PRRC2B: variants seen among roughly 807,000 people sequenced by gnomAD.
PRRC2B encodes protein PRRC2B.
Under a neutral mutation model 242.3 loss-of-function variants are expected in PRRC2B, and 68 were observed. The observed-to-expected ratio is 0.28, with a 90% confidence interval of 0.23 to 0.34. The LOEUF is 0.34. PRRC2B is among the 10% of genes least tolerant of loss of function. The pLI is 1.00. For synonymous variants in PRRC2B, 1,228 were observed against 1,173.6 expected, an observed-to-expected ratio of 1.05 and a Z score of -0.95; for missense variants, 2,835 against 2,954.8, an observed-to-expected ratio of 0.96 and a Z score of 0.94.
At chr9:131,439,519 C>T (rs1838486631) in intron 5 of PRRC2B, among the ~76,000 whole-genome samples, 1 of 152,202 alleles carries the variant, frequency 6.6e-6, no homozygotes, top group South Asian at 2.1e-4. Context: ...CCTTCTGCTT[C>T]CTGCACTACC....
At chr9:131,449,072 G>A (rs1196720864) in intron 9 of PRRC2B, among the ~76,000 whole-genome samples, 3 of 152,084 alleles carry the variant, frequency 2.0e-5, no homozygotes, top group Non-Finnish European at 4.4e-5. Flanking sequence ...ACTCTTGTAT[G>A]GTTTTCATAT....
intron 26 of PRRC2B, chr9:131,486,593 T>TTC (rs1351173607): frequency 3.1e-6 from 3 of 953,890 alleles, no homozygotes; most frequent in Non-Finnish European, 3.7e-6. Context: ...CTGGCATACT[T>TTC]TCTGTGCTGC....
rs889470295 is a variant in PRRC2B at position 131,420,499 on chromosome 9, T to TCTTTCTTTC, written c.-51-9595_-51-9594insCTTTCTTTC. ...TTTCTTTCTTTCTTTCTTTCTTTTT[T>TCTTTCTTTC]TTTTTTTTTTTGAGATGGAGGCTCC... On this transcript the variant is annotated intron_variant, in intron 1 of 31. Coordinates refer to ENST00000683519, the MANE Select transcript of PRRC2B (RefSeq NM_013318.4). Among the ~76,000 whole-genome samples, 100 of 84,462 alleles carry TCTTTCTTTC rather than the reference T, an allele frequency of 1.2e-3. 1 individual carries two copies. Among genetic ancestry groups the TCTTTCTTTC allele is most frequent in the Non-Finnish European group, 1.6e-3 (62 of 39,230 alleles). The allele number at this position is 84,462 out of a possible 152,430, so 55.4% of individuals were successfully genotyped here.
intron 31 of PRRC2B, among the ~76,000 whole-genome samples, chr9:131,495,063 C>T (rs1447633197): frequency 2.0e-5 from 3 of 152,076 alleles, no homozygotes; most frequent in Admixed American, 2.0e-4. Flanking sequence ...GAAGTGATTG[C>T]TCTCATTGGT....
intron 1 of PRRC2B, among the ~76,000 whole-genome samples, chr9:131,403,632 G>A (rs1361059371): frequency 6.8e-6 from 1 of 147,606 alleles, no homozygotes; most frequent in Non-Finnish European, 1.5e-5. Context: ...TAGAATTACA[G>A]GCGTGAGCCA....
At chr9:131,412,160 A>C (rs977130918) in intron 1 of PRRC2B, among the ~76,000 whole-genome samples, 1 of 152,132 alleles carries the variant, frequency 6.6e-6, no homozygotes, top group African/African-American at 2.4e-5. Flanking sequence ...TTGCTCATCT[A>C]CGTTGACCGT....
In PRRC2B at chr9:131,499,245, C is replaced by A. The variant is rs1944407224; in HGVS notation, c.*3371C>A. 1 of 152,224 alleles carries A rather than the reference C, an allele frequency of 6.6e-6. No homozygotes were observed. Among genetic ancestry groups the A allele is most frequent in the African/African-American group, 2.4e-5 (1 of 41,446 alleles). The allele number at this position is 152,224 out of a possible 1,614,324, so 9.4% of individuals were successfully genotyped here. On this transcript the variant is annotated 3_prime_UTR_variant, in exon 32 of 32. Coordinates refer to ENST00000683519, the MANE Select transcript of PRRC2B (RefSeq NM_013318.4). ...TCAGTGACAGCTTCTGGAAGCTGAG[C>A]ACACACAGGTGCACAGCCATGCTGT...
intron 1 of PRRC2B, among the ~76,000 whole-genome samples, chr9:131,383,404 A>G (rs1007525689): frequency 6.6e-6 from 1 of 151,894 alleles, no homozygotes; most frequent in Admixed American, 6.6e-5. Context: ...ATCATATTAC[A>G]AGTTAGCTGT....
intron 4 of PRRC2B, among the ~76,000 whole-genome samples, chr9:131,438,228 A>G (rs1838437454): frequency 6.6e-6 from 1 of 152,120 alleles, no homozygotes. Context: ...GTTGAGTGGA[A>G]AAGACGGGTG....
rs535543939 is a variant in PRRC2B at position 131,422,159 on chromosome 9, A to G, written c.-51-7935A>G. On this transcript the variant is annotated intron_variant, in intron 1 of 31. Coordinates refer to ENST00000683519, the MANE Select transcript of PRRC2B (RefSeq NM_013318.4). ...AACCTCTGCCTCCCGGGTTCAAGCG[A>G]TTCTCCTGCCTCAGCCTCCCGAATA... Among the ~76,000 whole-genome samples the G allele has an allele frequency of 5.9e-5, 9 of 152,042 alleles. No homozygotes were observed. In the East Asian group the frequency reaches 1.7e-3, roughly 29 times the overall value.
chr9:131,463,177 G>C (rs1943292959), intron 11 of PRRC2B, among the ~76,000 whole-genome samples: 1 of 152,150 alleles, frequency 6.6e-6, no homozygotes, highest in Middle Eastern at 3.4e-3. Context: ...TGCACGCTTC[G>C]GTTCCAATGA....
rs562056708 is a variant in PRRC2B at position 131,374,249 on chromosome 9, G to A, written c.-56+518G>A. On this transcript the variant is annotated intron_variant, in intron 1 of 1. Transcript: ENST00000682525. ...AATCACTCGTCCATACTGTGAGTTA[G>A]TGTGGTTAAAACTAAACACACTGTG... Among the ~76,000 whole-genome samples, 3 of 152,126 alleles carry A rather than the reference G, an allele frequency of 2.0e-5. No homozygotes were observed. The East Asian group carries it at 5.8e-4, about 29-fold the overall frequency.
intron 2 of PRRC2B, 94 bp from the exon 3 acceptor site, chr9:131,432,523 C>G (rs1838211832): frequency 1.6e-6 from 2 of 1,216,002 alleles, no homozygotes; most frequent in Non-Finnish European, 2.3e-6. Flanking sequence ...TTGTTATGAT[C>G]ACTTAGAGAT....
Position 131,417,702 on chromosome 9 carries a change from C to T in PRRC2B, c.-51-12392C>T, listed in dbSNP as rs573970639. 1.2e-4 allele frequency among the ~76,000 whole-genome samples: 19 copies of T among 152,284 alleles called. No homozygotes were observed. The South Asian group carries it at 3.7e-3, about 30-fold the overall frequency. On this transcript the variant is annotated intron_variant, in intron 1 of 31. Coordinates refer to ENST00000683519, the MANE Select transcript of PRRC2B (RefSeq NM_013318.4). Reference sequence around the variant, plus strand: ...AGGATGAGCTGTACAAGCCCTCAGTCTTTCTGCCATGTTTAACCAGAAGCC... The same window carrying T: ...AGGATGAGCTGTACAAGCCCTCAGTTTTTCTGCCATGTTTAACCAGAAGCC...
intron 1 of PRRC2B, among the ~76,000 whole-genome samples, chr9:131,379,123 A>G (rs1588232219): frequency 1.3e-5 from 2 of 152,272 alleles, no homozygotes; most frequent in African/African-American, 4.8e-5. Flanking sequence ...CCCTTAGCAT[A>G]ACGCCTTTCA....
chr9:131,498,511 T>C lies in PRRC2B; in HGVS notation c.*2637T>C, dbSNP rs1037254076. 3.3e-5 allele frequency: 5 copies of C among 152,244 alleles called. No individual in the cohort carries two copies. Among genetic ancestry groups the C allele is most frequent in the African/African-American group, 1.2e-4 (5 of 41,454 alleles). The allele number at this position is 152,244 out of a possible 1,614,324, so 9.4% of individuals were successfully genotyped here. A position where few individuals can be genotyped will look rare whatever the true frequency, so the allele number is the denominator to read the frequency against. Reference sequence around the variant, plus strand: ...TGGTCTAATGAAATGCAGTTCTTAGTGCAGAGATGTTTTAAGGTGCAATAT... The same window carrying C: ...TGGTCTAATGAAATGCAGTTCTTAGCGCAGAGATGTTTTAAGGTGCAATAT... On this transcript the variant is annotated 3_prime_UTR_variant, in exon 32 of 32. Coordinates refer to ENST00000683519, the MANE Select transcript of PRRC2B (RefSeq NM_013318.4).
At chr9:131,430,060 CTTT>C in intron 1 of PRRC2B, 31 bp from the exon 2 acceptor site, 23 of 475,246 alleles carry the variant, frequency 4.8e-5, no homozygotes, top group East Asian at 8.2e-5. Flanking sequence ...TTTTCTCTCT[CTTT>C]TTTTTTTTTT....
chr9:131,425,984 A>G (rs1837964802), intron 1 of PRRC2B, among the ~76,000 whole-genome samples: 1 of 147,062 alleles, frequency 6.8e-6, no homozygotes, highest in Non-Finnish European at 1.5e-5. Flanking sequence ...ACTCCACCCT[A>G]GGTGACAGAG....
At chr9:131,415,255 A>T (rs1837617575) in intron 1 of PRRC2B, among the ~76,000 whole-genome samples, 2 of 152,218 alleles carry the variant, frequency 1.3e-5, no homozygotes, top group Non-Finnish European at 2.9e-5. Flanking sequence ...TTGGCCTCCC[A>T]AAGTGGTGGG....
Sources: allele counts gnomAD v4.1 joint callset (sites outside exome capture counted in the v4.1 genomes callset), GRCh38; gene constraint gnomAD v4.1.1; transcripts MANE v1.5; gene names NCBI Gene and HGNC (gene_info 2026-07-23, HGNC 2026-07-21).